The following GSN variants were observed in gnomAD, a reference collection of about 807,000 sequenced individuals.
GSN encodes the protein gelsolin, also known as actin-depolymerizing factor.
A neutral mutation model predicts 85.7 loss-of-function variants in GSN; 56 were observed. The observed-to-expected ratio is 0.65, with a 90% confidence interval of 0.53 to 0.82. The LOEUF (loss-of-function observed/expected upper bound fraction) is 0.82, where lower values mean the gene tolerates loss of function less well. GSN is among the 40% of genes least tolerant of loss of function. The pLI is 0.00. For synonymous variants in GSN, 373 were observed against 399.1 expected, an observed-to-expected ratio of 0.93 and a Z score of 0.78; for missense variants, 857 against 979.8, an observed-to-expected ratio of 0.87 and a Z score of 1.67.
intron 4 of GSN, among the ~76,000 whole-genome samples, chr9:121,230,522 A>T (rs2054366890): frequency 6.6e-6 from 1 of 151,636 alleles, no homozygotes; most frequent in Admixed American, 6.6e-5. Context: ...GGAAGTTGCA[A>T]TGTGGGGGAT....
chr9:121,278,031 T>C (rs1264822636), intron 1 of GSN, among the ~76,000 whole-genome samples: 1 of 151,170 alleles, frequency 6.6e-6, no homozygotes, highest in Non-Finnish European at 1.5e-5. Context: ...TGATCTAGAG[T>C]ACCCAAAGAT....
In GSN at chr9:121,329,300, G is replaced by A; in HGVS notation, c.1950G>A (p.Leu650=). The change falls in exon 16 of 18, where the codon CTG becomes CTA. Residue 650 remains leucine (L), a synonymous_variant. Coordinates refer to ENST00000432226, the MANE Select transcript of GSN (RefSeq NM_198252.3). The surrounding 1 kb of genome is among the most constrained non-coding windows in gnomAD (Gnocchi z 4.6). ...EDLATDDVML[L]DTWDQVFVWV... ...TGGCAACGGATGACGTCATGCTTCT[G>A]GACACCTGGGACCAGGTGGGTGAAG... 3 of 1,602,238 alleles carry A rather than the reference G, an allele frequency of 1.9e-6. No individual in the cohort carries two copies. Among genetic ancestry groups the A allele is most frequent in the Non-Finnish European group, 2.6e-6 (3 of 1,169,186 alleles).
chr9:121,289,622 C>T (rs78661563), intron 2 of GSN, among the ~76,000 whole-genome samples: 3,568 of 152,298 alleles, frequency 0.023, 55 homozygotes, highest in South Asian at 0.045. Flanking sequence ...GCACTCACTA[C>T]CTCATCTTGT....
intron 4 of GSN, among the ~76,000 whole-genome samples, chr9:121,212,469 G>C (rs2132076710): frequency 6.6e-6 from 1 of 152,246 alleles, no homozygotes; most frequent in Middle Eastern, 3.4e-3. Flanking sequence ...CAGGGAGTCA[G>C]TGCCCTCCTG....
intron 6 of GSN, among the ~76,000 whole-genome samples, chr9:121,259,882 G>C (rs760329938): frequency 1.3e-5 from 2 of 152,202 alleles, no homozygotes; most frequent in Non-Finnish European, 2.9e-5. Flanking sequence ...TTCAGCTCTA[G>C]GGAAAAACAG....
chr9:121,283,147 T>G (rs2057608786), intron 2 of GSN: 1 of 167,086 alleles, frequency 6.0e-6, no homozygotes, highest in African/African-American at 2.4e-5. Flanking sequence ...CTTCTCTTTT[T>G]AGTTAGGGCC....
intron 5 of GSN, chr9:121,239,305 G>A (rs892852957): frequency 1.2e-4 from 47 of 394,538 alleles, no homozygotes; most frequent in Admixed American, 3.7e-4. Context: ...GGTTAGAACC[G>A]GGTGAGGGAT....
upstream of GSN, chr9:121,265,352 T>A (rs902565612): frequency 6.6e-6 from 1 of 152,274 alleles, no homozygotes; most frequent in Non-Finnish European, 1.5e-5. Context: ...GCTTTCTCTG[T>A]GAATACGATG....
chr9:121,311,981 G>T, intron 5 of GSN: 1 of 251,312 alleles, frequency 4.0e-6, no homozygotes, highest in Non-Finnish European at 7.8e-6. Context: ...AAGGAGGATT[G>T]CTGGGTCATA....
chr9:121,298,891 G>A (rs1477730557), intron 2 of GSN, among the ~76,000 whole-genome samples: 1 of 152,180 alleles, frequency 6.6e-6, no homozygotes, highest in Non-Finnish European at 1.5e-5. Flanking sequence ...GAGGGTGGAG[G>A]GATGGGGATG....
chr9:121,256,650 G>A (rs1322679664), intron 6 of GSN, among the ~76,000 whole-genome samples: 2 of 152,198 alleles, frequency 1.3e-5, no homozygotes, highest in Admixed American at 6.5e-5. Flanking sequence ...GGCTGAGGCA[G>A]GTGGATCACC....
intron 7 of GSN, among the ~76,000 whole-genome samples, chr9:121,315,356 C>T (rs1444908521): frequency 2.6e-5 from 4 of 152,144 alleles, no homozygotes; most frequent in African/African-American, 9.7e-5. Context: ...CCACCTTTTC[C>T]AGTTGCAGAC....
intron 6 of GSN, among the ~76,000 whole-genome samples, chr9:121,256,686 T>C (rs2054968829): frequency 6.6e-6 from 1 of 152,096 alleles, no homozygotes; most frequent in African/African-American, 2.4e-5. Flanking sequence ...GAGACCAGTC[T>C]GGCCAACGTG....
intron 8 of GSN, 69 bp downstream of exon 8, chr9:121,317,287 G>C (rs2061831170): frequency 1.3e-6 from 2 of 1,531,170 alleles, no homozygotes; most frequent in South Asian, 2.2e-5. Flanking sequence ...GCAGCTCCCA[G>C]GAACTCAGCT....
rs766945413 is a variant in GSN, at chr9:121,326,518, G to T, written c.1423G>T (p.Val475Leu). 24 of 1,613,860 alleles carry T rather than the reference G, an allele frequency of 1.5e-5. No homozygotes were observed. In the East Asian group the frequency reaches 5.1e-4, roughly 34 times the overall value. Residue 475 changes from valine to leucine, a missense_variant, in exon 13 of 18, where the codon GTG (valine) becomes TTG (leucine). Val to Leu is a conservative substitution (Grantham distance 32, BLOSUM62 1). Coordinates refer to ENST00000432226, the MANE Select transcript of GSN (RefSeq NM_198252.3). ...ELGGTPVQSR[V>L]VQGKEPAHLM... ...TCTCCTGTCTCCCTGCCAGAGCCGT[G>T]TGGTCCAAGGCAAGGAGCCCGCCCA...
At chr9:121,331,632 T>G in intron 17 of GSN, 184 bp downstream of exon 17, 1 of 579,376 alleles carries the variant, frequency 1.7e-6, no homozygotes, top group Non-Finnish European at 3.1e-6. Flanking sequence ...GAAGAACACA[T>G]CAGTTCCTTC....
At chr9:121,278,080 G>A (rs1413035119) in intron 1 of GSN, among the ~76,000 whole-genome samples, 2 of 151,496 alleles carry the variant, frequency 1.3e-5, no homozygotes, top group African/African-American at 4.9e-5. Context: ...TCAGCAAGAG[G>A]CCCAGCCTTA....
intron 4 of GSN, among the ~76,000 whole-genome samples, chr9:121,228,909 C>CCATT (rs1166129748): frequency 2.0e-5 from 3 of 152,100 alleles, no homozygotes; most frequent in Non-Finnish European, 4.4e-5. Flanking sequence ...TCTTCCTGAA[C>CCATT]CATTTGAAAG....
intron 4 of GSN, among the ~76,000 whole-genome samples, chr9:121,223,210 A>G (rs886690340): frequency 1.2e-4 from 18 of 152,090 alleles, no homozygotes; most frequent in Non-Finnish European, 8.8e-5. Context: ...GGTGTTTTCT[A>G]TTGGGAAACT....
Sources: gnomAD v4.1 joint callset for allele counts (sites outside exome capture counted in the v4.1 genomes callset) on GRCh38, gnomAD v4.1.1 for gene constraint, Gnocchi (gnomAD v3.1) non-coding constraint, MANE v1.5 for transcripts, NCBI Gene and HGNC (gene_info 2026-07-23, HGNC 2026-07-21) for gene names.